GPNMB: variants seen among roughly 807,000 people sequenced by gnomAD.
The protein encoded by GPNMB is glycoprotein nmb.
GPNMB carries 71 observed loss-of-function variants against 57.3 expected under a neutral mutation model. The ratio of observed to expected loss-of-function variants is 1.24; its 90% CI spans 1.02 to 1.51. GPNMB has a LOEUF of 1.51. Among genes scored for constraint, GPNMB ranks in the 40% most tolerant of loss-of-function variants. The pLI is 0.00. For missense variants in GPNMB, 677 were observed against 691.9 expected (o/e 0.98, Z 0.24); for synonymous variants, 253 against 263.2 (o/e 0.96, Z 0.38).
chr7:23,257,405 C>T (rs1782807527), intron 4 of GPNMB: 1 of 456,390 alleles, frequency 2.2e-6, no homozygotes, highest in Non-Finnish European at 3.9e-6. Flanking sequence ...GGGCATGTGG[C>T]TCACACTTGT....
chr7:23,270,169 G>A lies in GPNMB; in HGVS notation c.1423G>A (p.Asp475Asn), dbSNP rs757512491. The A allele has an allele frequency of 1.2e-6, 2 of 1,612,570 alleles. No homozygotes were observed. The highest frequency in any genetic ancestry group is 2.2e-5 in the South Asian group (2 of 90,998). ...CACGAGCACCCTGATTTCTGTTCCT[G>A]ACAGAGGTGAGTTTTGTTTTATGGC... The part of the protein sequence containing the change: ...ALTSTLISVP[D>N]RDPASPLRMA... Residue 475 changes from aspartate to asparagine, a missense_variant, in exon 9 of 11, where the codon GAC becomes AAC. Asp to Asn is a conservative substitution (Grantham distance 23, BLOSUM62 1). Transcript: ENST00000258733.
At chr7:23,268,049 A>G in intron 8 of GPNMB, 61 bp downstream of exon 8, 2 of 979,482 alleles carry the variant, frequency 2.0e-6, no homozygotes, top group Admixed American at 3.6e-5. Context: ...AAGTCTGAAC[A>G]AAGGCATTGA....
At chr7:23,258,312 G>A (rs1480500783) in intron 4 of GPNMB, among the ~76,000 whole-genome samples, 1 of 152,106 alleles carries the variant, frequency 6.6e-6, no homozygotes, top group Non-Finnish European at 1.5e-5. Flanking sequence ...TACAAATCAG[G>A]ACAAAATATT....
chr7:23,258,158 A>T (rs1389650860), intron 4 of GPNMB: 2 of 152,184 alleles, frequency 1.3e-5, no homozygotes, highest in Non-Finnish European at 2.9e-5. Context: ...TTAGGCTGCT[A>T]AATTCTTAGT....
Position 23,270,164 on chromosome 7 carries a change from T to C in GPNMB, c.1418T>C (p.Val473Ala), listed in dbSNP as rs868259408. The C allele has an allele frequency of 1.9e-6, 3 of 1,613,660 alleles. No individual in the cohort carries two copies. Among genetic ancestry groups the C allele is most frequent in the East Asian group, 2.2e-5 (1 of 44,890 alleles). ...GCTCTCACGAGCACCCTGATTTCTG[T>C]TCCTGACAGAGGTGAGTTTTGTTTT... ...SLALTSTLIS[V>A]PDRDPASPLR... The change falls in exon 9 of 11, where the codon GTT becomes GCT. Residue 473 changes from valine (V) to alanine (A), a missense_variant. Transcript: ENST00000258733.
chr7:23,260,095 A>T lies in GPNMB; in HGVS notation c.657A>T (p.Ala219=). The T allele has an allele frequency of 6.2e-7, 1 of 1,614,022 alleles. No homozygotes were observed. The highest frequency in any genetic ancestry group is 1.3e-5 in the African/African-American group (1 of 75,052). ...EVTVYRRHGR[A]YVPIAQVKDV... ...CTGTCTACAGAAGACATGGACGGGC[A>T]TATGTTCCCATCGCACAAGTGAAAG... The change falls in exon 5 of 11, where the codon GCA becomes GCT. Residue 219 remains alanine, a synonymous_variant. Coordinates refer to ENST00000258733, the MANE Select transcript of GPNMB (RefSeq NM_002510.3).
chr7:23,251,264 A>G (rs1782653901), intron 1 of GPNMB, among the ~76,000 whole-genome samples: 1 of 152,228 alleles, frequency 6.6e-6, no homozygotes, highest in South Asian at 2.1e-4. Context: ...GGTCAGAGAC[A>G]TGCATCCAAT....
chr7:23,261,153 A>G (rs1450830913), intron 6 of GPNMB, among the ~76,000 whole-genome samples: 3 of 152,008 alleles, frequency 2.0e-5, no homozygotes, highest in African/African-American at 7.2e-5. Context: ...GGTCATTTCT[A>G]TGTTCCTTCC....
chr7:23,249,185 G>A (rs1782606231), intron 1 of GPNMB, among the ~76,000 whole-genome samples: 1 of 152,196 alleles, frequency 6.6e-6, no homozygotes, highest in African/African-American at 2.4e-5. Context: ...GCCTTCCAAA[G>A]TGTTGGGATT....
At chr7:23,272,469 G>T (rs1318389409) in intron 9 of GPNMB, among the ~76,000 whole-genome samples, 2 of 151,944 alleles carry the variant, frequency 1.3e-5, no homozygotes, top group Non-Finnish European at 2.9e-5. Context: ...AAGAGAGAGA[G>T]AGAGAAAGAG....
intron 1 of GPNMB, among the ~76,000 whole-genome samples, 179 bp from the exon 2 acceptor site, chr7:23,253,128 T>A (rs534934955): frequency 2.4e-4 from 37 of 152,360 alleles, no homozygotes; most frequent in African/African-American, 8.9e-4. Flanking sequence ...AGGGTCTGAA[T>A]GCTTGTAATC....
At chr7:23,262,421 T>C (rs1782946766) in intron 6 of GPNMB, among the ~76,000 whole-genome samples, 1 of 151,964 alleles carries the variant, frequency 6.6e-6, no homozygotes, top group African/African-American at 2.4e-5. Context: ...AGGTTTGTTT[T>C]GGTTGTGTAA....
rs762696346 is a variant in GPNMB, at chr7:23,260,603, G to A, written c.848G>A (p.Trp283Ter). The change falls in exon 6 of 11, where the codon TGG (tryptophan) becomes TAG (stop). Residue 283 changes from tryptophan (W) to a stop codon, truncating the protein, a stop_gained. Coordinates refer to ENST00000258733, the MANE Select transcript of GPNMB (RefSeq NM_002510.3). LOFTEE classifies it high-confidence loss of function. Reference protein sequence around the residue: ...FLNYSTINYKWSFGDNTGLFV... With the variant: ...FLNYSTINYK ...AATTATTCTACCATTAACTACAAGT[G>A]GAGCTTCGGGGATAATACTGGCCTG... 5 of 1,614,094 alleles carry A rather than the reference G, an allele frequency of 3.1e-6. No homozygotes were observed.
In GPNMB at chr7:23,267,884, A is replaced by G. The variant is rs777204409; in HGVS notation, c.1118-2A>G. 6.3e-7 allele frequency: 1 copy of G among 1,591,404 alleles called. No homozygotes were observed. Among genetic ancestry groups the G allele is most frequent in the Non-Finnish European group, 8.6e-7 (1 of 1,159,484 alleles). The stretch of plus-strand genomic sequence containing the variant: ...GTTTTTCTCTGGGGGTTATTTTGTT[A>G]GAGGGAATCTTAGAGGTTAACATCA... On this transcript the variant is annotated splice_acceptor_variant, in intron 7 of 10. Coordinates refer to ENST00000258733, the MANE Select transcript of GPNMB (RefSeq NM_002510.3). LOFTEE classifies it high-confidence loss of function.
intron 6 of GPNMB, among the ~76,000 whole-genome samples, chr7:23,262,595 A>G (rs915313721): frequency 1.4e-4 from 10 of 71,762 alleles, no homozygotes; most frequent in Non-Finnish European, 2.5e-4. Flanking sequence ...ACTGTCATTT[A>G]TTTCACCATT....
At chr7:23,254,093 T>C in intron 2 of GPNMB, 76 bp from the exon 3 acceptor site, 1 of 1,413,312 alleles carries the variant, frequency 7.1e-7, no homozygotes, top group South Asian at 1.4e-5. Flanking sequence ...TCCTTATTAA[T>C]AAAGTTAGCT....
At chr7:23,248,114 C>T (rs1782577922) in intron 1 of GPNMB, 1 of 152,458 alleles carries the variant, frequency 6.6e-6, no homozygotes, top group Non-Finnish European at 1.5e-5. Context: ...TGCTCCATTT[C>T]CTCATTTCCT....
At chr7:23,271,806 A>ACAAT (rs1783212756) in intron 9 of GPNMB, among the ~76,000 whole-genome samples, 1 of 151,936 alleles carries the variant, frequency 6.6e-6, no homozygotes, top group South Asian at 2.1e-4. Context: ...AAACAAACAA[A>ACAAT]CACAACAAAA....
chr7:23,249,193 A>G (rs1782606369), intron 1 of GPNMB, among the ~76,000 whole-genome samples: 1 of 152,206 alleles, frequency 6.6e-6, no homozygotes, highest in Non-Finnish European at 1.5e-5. Context: ...AAGTGTTGGG[A>G]TTACAGGCAT....
Sources: allele counts gnomAD v4.1 joint callset (sites outside exome capture counted in the v4.1 genomes callset), GRCh38; gene constraint gnomAD v4.1.1; transcripts MANE v1.5; gene names NCBI Gene and HGNC (gene_info 2026-07-23, HGNC 2026-07-21).